The following NFASC variants were observed in gnomAD, a reference collection of about 807,000 sequenced individuals.
NFASC encodes the protein neurofascin, also known as neurofascin homolog.
NFASC carries 43 observed loss-of-function variants against 147.5 expected under a neutral mutation model. The ratio of observed to expected loss-of-function variants is 0.29; its 90% CI spans 0.23 to 0.38. The LOEUF (loss-of-function observed/expected upper bound fraction) is 0.38. Ranked by LOEUF, NFASC falls within the 10% of genes least tolerant of loss-of-function variation. The probability of loss-of-function intolerance (pLI) is 1.00; values close to 1 mark genes in which losing one functional copy is unlikely to be tolerated. For missense variants in NFASC, 1,320 were observed against 1,689.0 expected, an observed-to-expected ratio of 0.78 and a Z score of 3.83; for synonymous variants, 622 against 665.5, an observed-to-expected ratio of 0.93 and a Z score of 1.01.
intron 4 of NFASC, among the ~76,000 whole-genome samples, chr1:204,951,200 G>T (rs1313566763): frequency 5.4e-5 from 8 of 148,850 alleles, no homozygotes; most frequent in African/African-American, 1.5e-4. Flanking sequence ...CCAGGCTGGA[G>T]TACAGCAGCA....
rs937859626 is a variant in NFASC, at chr1:204,973,304, G to C, written c.1164G>C (p.Val388=). 1 of 1,614,222 alleles carries C rather than the reference G, an allele frequency of 6.2e-7. No homozygotes were observed. The highest frequency in any genetic ancestry group is 8.5e-7 in the Non-Finnish European group (1 of 1,180,034). ...CACCACCTAACCCAAACCGTGAGGT[G>C]GCCGGAGACACCATCATCTTCCGGG... ...QSAPPNPNRE[V]AGDTIIFRDT... The change falls in exon 12 of 30, where the codon GTG becomes GTC. Residue 388 remains valine (V), a synonymous_variant. Transcript: ENST00000339876.
chr1:204,866,690 A>T (rs529144431), intron 1 of NFASC, among the ~76,000 whole-genome samples: 12 of 152,230 alleles, frequency 7.9e-5, no homozygotes, highest in Non-Finnish European at 1.8e-4. Flanking sequence ...TGTGTGTGCA[A>T]TACATCAAAC....
intron 24 of NFASC, among the ~76,000 whole-genome samples, chr1:204,994,349 C>T (rs547352495): frequency 6.6e-6 from 1 of 152,316 alleles, no homozygotes; most frequent in African/African-American, 2.4e-5. Flanking sequence ...CTCATCCTTA[C>T]CTCTGCCCAG....
At chr1:204,995,905 A>G (rs2095837491) in intron 24 of NFASC, among the ~76,000 whole-genome samples, 1 of 151,962 alleles carries the variant, frequency 6.6e-6, no homozygotes, top group Admixed American at 6.6e-5. Context: ...ATTCCTTGGG[A>G]GTGAGAGTTA....
At chr1:204,870,434 G>A (rs1298146326) in intron 1 of NFASC, among the ~76,000 whole-genome samples, 1 of 152,106 alleles carries the variant, frequency 6.6e-6, no homozygotes, top group Non-Finnish European at 1.5e-5. Context: ...CTCTGGCTTG[G>A]GTTCATGGAG....
chr1:204,955,752 C>T (rs2094396056), intron 7 of NFASC, among the ~76,000 whole-genome samples: 3 of 152,142 alleles, frequency 2.0e-5, no homozygotes, highest in Admixed American at 2.0e-4. Context: ...TCTGCCTCCT[C>T]TCCCCCTCCT....
chr1:204,863,930 AAGAAAGAGAGAG>A (rs1031173886), intron 1 of NFASC, among the ~76,000 whole-genome samples: 3 of 147,230 alleles, frequency 2.0e-5, no homozygotes, highest in Non-Finnish European at 4.5e-5. Flanking sequence ...GGAAAGGAGG[AAGAAAGAGAGAG>A]AGAAAGAGAG....
intron 14 of NFASC, 48 bp downstream of exon 14, chr1:204,974,871 C>T (rs749773996): frequency 1.1e-5 from 17 of 1,564,614 alleles, no homozygotes; most frequent in Non-Finnish European, 1.5e-5. Context: ...GACAAGGAGG[C>T]CATGCTGGCA....
At chr1:204,997,145 C>A (rs201799990) in intron 24 of NFASC, 25 bp from the exon 25 acceptor site, 1 of 1,594,298 alleles carries the variant, frequency 6.3e-7, no homozygotes, top group East Asian at 2.2e-5. Flanking sequence ...CAACCAGACT[C>A]GGCTGTTTTA....
In NFASC at chr1:204,876,323, A is replaced by G. The variant is rs182767236; in HGVS notation, c.-199-44309A>G. 1.9e-3 allele frequency among the ~76,000 whole-genome samples: 286 copies of G among 152,288 alleles called. 1 individual carries two copies. Among genetic ancestry groups the G allele is most frequent in the Middle Eastern group, 6.8e-3 (2 of 294 alleles). On this transcript the variant is annotated intron_variant, in intron 1 of 29. Transcript: ENST00000339876. ...TCCACCGCCACCCCACAGCCCCTGCATATTTTAAGGATACTTTCAGCTCTA... is the reference window on the plus strand; with the variant it reads ...TCCACCGCCACCCCACAGCCCCTGCGTATTTTAAGGATACTTTCAGCTCTA...
chr1:204,968,299 G>T lies in NFASC; in HGVS notation c.757G>T (p.Ala253Ser). Residue 253 changes from alanine to serine, a missense_variant, in exon 9 of 30, where the codon GCG (alanine) becomes TCG (serine). Physicochemically the swap from Ala to Ser is moderately conservative, Grantham distance 99 (BLOSUM62 1). Around this residue, in one of 3 missense-constraint regions of NFASC, gnomAD observed 981 missense variants for 1,289.5 expected, o/e 0.76. Transcript: ENST00000339876. This position sits in a 1 kb window ranked among gnomAD's most constrained non-coding sequence, Gnocchi z 5.4. ...TPSFMYPQGT[A>S]SSQMVLRGMD... ...AAGCTTCATGTATCCCCAGGGCACC[G>T]CGAGCAGCCAGATGGTGCTTCGTGG... is the stretch of plus-strand genomic sequence containing the variant. 1 of 1,614,154 alleles carries T rather than the reference G, an allele frequency of 6.2e-7. No individual in the cohort carries two copies. The highest frequency in any genetic ancestry group is 8.5e-7 in the Non-Finnish European group (1 of 1,180,014).
chr1:204,946,977 C>T, intron 3 of NFASC: 1 of 358,092 alleles, frequency 2.8e-6, no homozygotes, highest in South Asian at 2.1e-5. Flanking sequence ...AGAAAGTTTG[C>T]TTGCCTGGGG....
At chr1:204,977,617 C>A in intron 16 of NFASC, 64 bp from the exon 17 acceptor site, 2 of 1,507,638 alleles carry the variant, frequency 1.3e-6, no homozygotes, top group Non-Finnish European at 1.8e-6. Context: ...CTACCCCCAT[C>A]CTTCTAGAAC....
intron 1 of NFASC, among the ~76,000 whole-genome samples, chr1:204,908,237 C>T (rs2086439749): frequency 6.6e-6 from 1 of 152,158 alleles, no homozygotes; most frequent in South Asian, 2.1e-4. Flanking sequence ...CCACCTTGGC[C>T]TCCCAAAGTG....
At chr1:204,901,550 T>A (rs537741387) in intron 1 of NFASC, among the ~76,000 whole-genome samples, 1 of 152,224 alleles carries the variant, frequency 6.6e-6, no homozygotes, top group South Asian at 2.1e-4. Context: ...TGACAAAATT[T>A]GATTGAGTTG....
intron 1 of NFASC, among the ~76,000 whole-genome samples, chr1:204,858,553 A>G (rs2076369503): frequency 1.3e-5 from 2 of 152,096 alleles, no homozygotes; most frequent in South Asian, 2.1e-4. Flanking sequence ...TCCATGATCA[A>G]TAATTTATTC....
intron 1 of NFASC, among the ~76,000 whole-genome samples, chr1:204,866,455 G>A (rs1235119273): frequency 6.6e-6 from 1 of 152,204 alleles, no homozygotes; most frequent in Non-Finnish European, 1.5e-5. Context: ...TAAGAAGCTG[G>A]CAGACCTGTC....
chr1:204,935,461 T>C (rs1166643174), intron 2 of NFASC, among the ~76,000 whole-genome samples: 1 of 152,122 alleles, frequency 6.6e-6, no homozygotes, highest in South Asian at 2.1e-4. Flanking sequence ...AAACTAGAAG[T>C]GGGCATCTTA....
chr1:204,881,128 C>T (rs2080120831), intron 1 of NFASC, among the ~76,000 whole-genome samples: 1 of 152,164 alleles, frequency 6.6e-6, no homozygotes, highest in African/African-American at 2.4e-5. Context: ...AGGGTAGTGT[C>T]GCTGTGTTCC....
Sources: allele counts gnomAD v4.1 joint callset (sites outside exome capture counted in the v4.1 genomes callset), GRCh38; gene constraint gnomAD v4.1.1; regional missense constraint gnomAD v4.1.1; non-coding constraint Gnocchi (gnomAD v3.1); transcripts MANE v1.5; gene names NCBI Gene and HGNC (gene_info 2026-07-23, HGNC 2026-07-21).